The following FAM227B variants were observed in gnomAD, a reference collection of about 807,000 sequenced individuals.
The protein encoded by FAM227B is protein FAM227B.
In FAM227B, 88 loss-of-function variants were observed where a neutral mutation model predicts 73.8. The observed-to-expected ratio is 1.19, with a 90% CI of 1.00 to 1.42. The LOEUF is 1.42. Ranked by LOEUF, FAM227B falls within the 40% of genes most tolerant of loss-of-function variation. The pLI is 0.00. For synonymous variants in FAM227B, 210 were observed against 190.5 expected (o/e 1.10, Z -0.84); for missense variants, 632 against 590.9 (o/e 1.07, Z -0.72).
intron 13 of FAM227B, among the ~76,000 whole-genome samples, chr15:49,336,637 C>CT (rs1234867056): frequency 6.6e-6 from 1 of 152,124 alleles, no homozygotes; most frequent in African/African-American, 2.4e-5. Flanking sequence ...TTATTTTTCA[C>CT]TAAGTATTTT....
chr15:49,591,549 G>C (rs548869347), intron 3 of FAM227B, among the ~76,000 whole-genome samples: 2 of 126,842 alleles, frequency 1.6e-5, no homozygotes, highest in African/African-American at 6.2e-5. Context: ...GCAGTGGCAC[G>C]ATCTTGGCTC....
At chr15:49,435,103 TGA>T in intron 11 of FAM227B, among the ~76,000 whole-genome samples, 1 of 151,668 alleles carries the variant, frequency 6.6e-6, no homozygotes, top group East Asian at 1.9e-4. Context: ...GTGTATGAAG[TGA>T]GAGGGGGGTA....
At chr15:49,604,732 A>G (rs1207230223) in intron 3 of FAM227B, among the ~76,000 whole-genome samples, 3 of 151,404 alleles carry the variant, frequency 2.0e-5, no homozygotes, top group East Asian at 3.9e-4. Flanking sequence ...TTTATTCACT[A>G]TTTTTCATTC....
intron 9 of FAM227B, among the ~76,000 whole-genome samples, chr15:49,566,127 C>T (rs960568071): frequency 6.6e-6 from 1 of 152,180 alleles, no homozygotes; most frequent in African/African-American, 2.4e-5. Context: ...AATACAGTCA[C>T]TTAATCTATT....
At chr15:49,514,061 A>G (rs2059212963) in intron 10 of FAM227B, among the ~76,000 whole-genome samples, 2 of 152,124 alleles carry the variant, frequency 1.3e-5, no homozygotes, top group Non-Finnish European at 2.9e-5. Context: ...TTTGCTTAGG[A>G]AGGCCTTGGC....
chr15:49,469,658 G>C (rs2054561948), intron 11 of FAM227B, among the ~76,000 whole-genome samples: 1 of 152,084 alleles, frequency 6.6e-6, no homozygotes, highest in Non-Finnish European at 1.5e-5. Flanking sequence ...CTATAAGGCA[G>C]ACAAAAAGTA....
At chr15:49,586,851 A>G (rs1198384952) in intron 5 of FAM227B, among the ~76,000 whole-genome samples, 2 of 152,090 alleles carry the variant, frequency 1.3e-5, no homozygotes, top group East Asian at 3.8e-4. Flanking sequence ...AGTCAGAATA[A>G]CTGTTATTAA....
At chr15:49,431,414 G>C (rs536349704) in intron 11 of FAM227B, among the ~76,000 whole-genome samples, 1 of 151,926 alleles carries the variant, frequency 6.6e-6, no homozygotes, top group South Asian at 2.1e-4. Context: ...GTGTATGAAA[G>C]GGTTTGTGTA....
intron 11 of FAM227B, among the ~76,000 whole-genome samples, chr15:49,447,145 A>G (rs993045794): frequency 2.6e-5 from 4 of 151,654 alleles, no homozygotes; most frequent in Non-Finnish European, 5.9e-5. Flanking sequence ...AGGCTTTCAA[A>G]AAGTATTTCT....
chr15:49,396,150 G>C (rs1015248255), intron 11 of FAM227B: 9 of 360,454 alleles, frequency 2.5e-5, no homozygotes, highest in Admixed American at 1.1e-4. Flanking sequence ...CACCGTGTGC[G>C]AGCCGAAGCA....
chr15:49,527,815 A>G (rs1349978841), intron 10 of FAM227B, among the ~76,000 whole-genome samples: 1 of 151,892 alleles, frequency 6.6e-6, no homozygotes, highest in African/African-American at 2.4e-5. Flanking sequence ...AAAGATCTCT[A>G]CAAAGAGAAC....
intron 11 of FAM227B, among the ~76,000 whole-genome samples, chr15:49,411,826 C>T (rs1395484482): frequency 6.6e-6 from 1 of 151,918 alleles, no homozygotes; most frequent in African/African-American, 2.4e-5. Flanking sequence ...GTCTTTTTTG[C>T]TTCGCAGACA....
chr15:49,564,353 C>T (rs2074477660), intron 9 of FAM227B, among the ~76,000 whole-genome samples: 1 of 152,034 alleles, frequency 6.6e-6, no homozygotes, highest in South Asian at 2.1e-4. Context: ...GGCAAGGCTG[C>T]AGAGAAAAAA....
In FAM227B at chr15:49,441,225, T is replaced by G. The variant is rs563547566; in HGVS notation, c.1012+66986A>C. ...AGGCCTCACCAAACAATACTGCCAA[T>G]GTTGCCTGGGTGCCCACAACTTAGA... On this transcript the variant is annotated intron_variant, in intron 11 of 15. Coordinates refer to ENST00000299338, the MANE Select transcript of FAM227B (RefSeq NM_152647.3). 2.7e-4 allele frequency among the ~76,000 whole-genome samples: 41 copies of G among 151,792 alleles called. No homozygotes were observed. The South Asian group carries it at 8.3e-3, about 31-fold the overall frequency.
chr15:49,509,760 C>T (rs2058848567), intron 10 of FAM227B, among the ~76,000 whole-genome samples: 1 of 152,048 alleles, frequency 6.6e-6, no homozygotes, highest in Non-Finnish European at 1.5e-5. Context: ...TTTTAAAAAA[C>T]TAAACTCTAG....
At chr15:49,484,698 A>T in intron 11 of FAM227B, 1 of 396,958 alleles carries the variant, frequency 2.5e-6, no homozygotes, top group African/African-American at 2.1e-5. Context: ...AAGATTTGAA[A>T]AGTATACACA....
intron 11 of FAM227B, chr15:49,396,189 G>A (rs1174481704): frequency 6.5e-5 from 23 of 352,070 alleles, no homozygotes; most frequent in Middle Eastern, 9.9e-4. Flanking sequence ...CTTGGGAAGC[G>A]CAAGGGGTCA....
chr15:49,597,527 C>A (rs1055922346), intron 3 of FAM227B, among the ~76,000 whole-genome samples: 9 of 151,772 alleles, frequency 5.9e-5, no homozygotes, highest in African/African-American at 1.9e-4. Context: ...TGAAAGAGCA[C>A]AAGAAGACAA....
At chr15:49,475,973 G>C (rs1320564638) in intron 11 of FAM227B, among the ~76,000 whole-genome samples, 2 of 152,104 alleles carry the variant, frequency 1.3e-5, no homozygotes, top group African/African-American at 4.8e-5. Flanking sequence ...TCACTATTTT[G>C]TTACACTTCC....
Sources: gnomAD v4.1 joint callset for allele counts (sites outside exome capture counted in the v4.1 genomes callset) on GRCh38, gnomAD v4.1.1 for gene constraint, MANE v1.5 for transcripts, NCBI Gene and HGNC (gene_info 2026-07-23, HGNC 2026-07-21) for gene names.